SH3GL2: variants seen among roughly 807,000 people sequenced by gnomAD.
SH3GL2 encodes endophilin-A1.
A neutral mutation model predicts 46.0 loss-of-function variants in SH3GL2; 24 were observed. The ratio of observed to expected loss-of-function variants is 0.52; its 90% CI spans 0.38 to 0.73. SH3GL2 has a LOEUF of 0.73. Ranked by LOEUF, SH3GL2 falls within the 30% of genes least tolerant of loss-of-function variation. The pLI, the probability that SH3GL2 is intolerant of heterozygous loss-of-function variation, is 0.00. For missense variants in SH3GL2, 413 were observed against 424.2 expected, an observed-to-expected ratio of 0.97 and a Z score of 0.23; for synonymous variants, 196 against 147.1, an observed-to-expected ratio of 1.33 and a Z score of -2.40.
chr9:17,592,069 T>C (rs1818493342), intron 1 of SH3GL2, among the ~76,000 whole-genome samples: 1 of 152,188 alleles, frequency 6.6e-6, no homozygotes, highest in South Asian at 2.1e-4. Flanking sequence ...TTCTGCAAGC[T>C]GGAGAATCAG....
chr9:17,706,622 G>A (rs1160097260), intron 1 of SH3GL2, among the ~76,000 whole-genome samples: 6 of 151,958 alleles, frequency 3.9e-5, no homozygotes, highest in African/African-American at 1.2e-4. Flanking sequence ...GACATATACT[G>A]TTCATGTCTT....
At chr9:17,786,059 CAG>C (rs1236910604) in intron 3 of SH3GL2, among the ~76,000 whole-genome samples, 55 of 152,262 alleles carry the variant, frequency 3.6e-4, no homozygotes, top group African/African-American at 1.2e-3. Context: ...CCCAGCTCCA[CAG>C]AGTCACTGCA....
At chr9:17,643,243 C>G (rs535003557) in intron 1 of SH3GL2, among the ~76,000 whole-genome samples, 2 of 151,958 alleles carry the variant, frequency 1.3e-5, no homozygotes, top group Non-Finnish European at 2.9e-5. Context: ...GATTTTGTAC[C>G]CTGAGACTTT....
intron 1 of SH3GL2, among the ~76,000 whole-genome samples, chr9:17,708,823 G>T (rs1233368126): frequency 1.3e-5 from 2 of 151,972 alleles, no homozygotes; most frequent in Non-Finnish European, 2.9e-5. Flanking sequence ...CAGTTTTAAA[G>T]AAATTTGAAG....
At chr9:17,751,332 T>G (rs1483118913) in intron 2 of SH3GL2, among the ~76,000 whole-genome samples, 1 of 152,032 alleles carries the variant, frequency 6.6e-6, no homozygotes, top group African/African-American at 2.4e-5. Flanking sequence ...AGTCACTGGG[T>G]GGAGAGGGGT....
intron 1 of SH3GL2, among the ~76,000 whole-genome samples, chr9:17,651,902 T>C (rs1220392893): frequency 6.6e-6 from 1 of 152,196 alleles, no homozygotes; most frequent in African/African-American, 2.4e-5. Context: ...TTACTTTTAC[T>C]TATGGTGTGA....
At chr9:17,632,627 A>C (rs1477702842) in intron 1 of SH3GL2, among the ~76,000 whole-genome samples, 1 of 152,162 alleles carries the variant, frequency 6.6e-6, no homozygotes, top group Non-Finnish European at 1.5e-5. Context: ...TTTGGACTTT[A>C]AATTTGGAAT....
At chr9:17,647,266 T>C (rs10116499) in intron 1 of SH3GL2, among the ~76,000 whole-genome samples, 5,958 of 152,318 alleles carry the variant, frequency 0.039, 396 homozygotes, top group African/African-American at 0.13. Context: ...TGCAAAACAC[T>C]GTGCTAGATA....
intron 1 of SH3GL2, among the ~76,000 whole-genome samples, chr9:17,701,787 G>A (rs1536070): frequency 0.16 from 24,050 of 151,896 alleles, 2,607 homozygotes; most frequent in African/African-American, 0.3. Flanking sequence ...ACACATGTAT[G>A]ATTTTTCCTA....
chr9:17,609,888 C>G (rs568700315), intron 1 of SH3GL2, among the ~76,000 whole-genome samples: 2 of 152,278 alleles, frequency 1.3e-5, no homozygotes, highest in East Asian at 1.9e-4. Flanking sequence ...CACACCTGGG[C>G]TCTCATAATC....
intron 1 of SH3GL2, among the ~76,000 whole-genome samples, chr9:17,674,401 G>T (rs1820554102): frequency 6.6e-6 from 1 of 151,958 alleles, no homozygotes. Flanking sequence ...TTAGTAGCTG[G>T]GACTACAGGT....
chr9:17,744,461 G>C (rs1295135034), intron 1 of SH3GL2, among the ~76,000 whole-genome samples: 1 of 151,872 alleles, frequency 6.6e-6, no homozygotes, highest in East Asian at 1.9e-4. Context: ...AACCTCCTGA[G>C]CTCAAGCAAT....
chr9:17,593,119 T>A (rs1818514724), intron 1 of SH3GL2, among the ~76,000 whole-genome samples: 1 of 152,222 alleles, frequency 6.6e-6, no homozygotes, highest in African/African-American at 2.4e-5. Flanking sequence ...GTCTCTTCCA[T>A]CTGGCTGTTC....
chr9:17,731,359 T>G (rs1822174078), intron 1 of SH3GL2, among the ~76,000 whole-genome samples: 1 of 148,170 alleles, frequency 6.7e-6, no homozygotes, highest in African/African-American at 2.6e-5. Context: ...ACCCTGCTGA[T>G]GGAATTTGTG....
At chr9:17,777,088 C>G (rs12005953) in intron 3 of SH3GL2, among the ~76,000 whole-genome samples, 23,511 of 152,134 alleles carry the variant, frequency 0.15, 2,309 homozygotes, top group Middle Eastern at 0.26. Context: ...TTCTTTATTT[C>G]GGAAAATCTT....
intron 1 of SH3GL2, among the ~76,000 whole-genome samples, chr9:17,648,200 T>C (rs1041211395): frequency 6.6e-6 from 1 of 152,152 alleles, no homozygotes; most frequent in Non-Finnish European, 1.5e-5. Flanking sequence ...GATTTTCAAC[T>C]ACACAAGGGG....
chr9:17,675,186 T>C lies in SH3GL2; in HGVS notation c.46-71880T>C, dbSNP rs142334479. Among the ~76,000 whole-genome samples, 21 of 152,320 alleles carry C rather than the reference T, an allele frequency of 1.4e-4. 1 individual carries two copies. In the East Asian group the frequency reaches 4.1e-3, roughly 29 times the overall value. ...TTATTTCCTTCCTTAGTAGGTCACA[T>C]TGGGAGCTCATCTTCCCCTTCACTT... is the stretch of plus-strand genomic sequence containing the variant. On this transcript the variant is annotated intron_variant, in intron 1 of 8. Coordinates refer to ENST00000380607, the MANE Select transcript of SH3GL2 (RefSeq NM_003026.5).
intron 1 of SH3GL2, among the ~76,000 whole-genome samples, chr9:17,683,538 T>TA (rs1820828420): frequency 6.6e-6 from 1 of 152,012 alleles, no homozygotes; most frequent in Admixed American, 6.6e-5. Context: ...CTGGGACTAT[T>TA]AGAGATCTCC....
At chr9:17,675,888 T>C (rs534248092) in intron 1 of SH3GL2, among the ~76,000 whole-genome samples, 14 of 152,220 alleles carry the variant, frequency 9.2e-5, no homozygotes, top group African/African-American at 2.9e-4. Context: ...GAGGTTGCAG[T>C]GAGCTGAGAT....
Sources: gnomAD v4.1 joint callset for allele counts (sites outside exome capture counted in the v4.1 genomes callset) on GRCh38, gnomAD v4.1.1 for gene constraint, MANE v1.5 for transcripts, NCBI Gene and HGNC (gene_info 2026-07-23, HGNC 2026-07-21) for gene names.